Variants in RYR3 observed in about 807,000 individuals in gnomAD.
The protein encoded by RYR3 is brain ryanodine receptor-calcium release channel.
In RYR3, 207 loss-of-function variants were observed where a neutral mutation model predicts 584.3. The ratio of observed to expected loss-of-function variants is 0.35; its 90% CI spans 0.32 to 0.40. The LOEUF is 0.40. Among genes scored for constraint, RYR3 ranks in the 10% least tolerant of loss-of-function variants. RYR3 has a pLI of 1.00. For synonymous variants in RYR3, 2,416 were observed against 2,248.5 expected (o/e 1.07, Z -2.11); for missense variants, 5,616 against 6,089.2 (o/e 0.92, Z 2.59).
chr15:33,444,210 T>A (rs1309586340), intron 1 of RYR3, among the ~76,000 whole-genome samples: 1 of 152,188 alleles, frequency 6.6e-6, no homozygotes, highest in Non-Finnish European at 1.5e-5. Flanking sequence ...AGACCTGTTG[T>A]AGACAGGTGA....
chr15:33,865,221 G>C lies in RYR3; in HGVS notation c.14608G>C (p.Gly4870Arg), dbSNP rs1266422222. 1 of 1,610,494 alleles carries C rather than the reference G, an allele frequency of 6.2e-7. No homozygotes were observed. Among genetic ancestry groups the C allele is most frequent in the African/African-American group, 1.3e-5 (1 of 74,598 alleles). The change falls in exon 104 of 104, where the codon GGA becomes CGA. Residue 4870 changes from glycine to arginine, a missense_variant. This residue lies in a region of RYR3 where 918 missense variants were observed against 887.4 expected (regional missense o/e 1.03). Coordinates refer to ENST00000634891, the MANE Select transcript of RYR3 (RefSeq NM_001036.6). ...CFRKQYEDQLG is the reference protein window; with the variant it reads ...CFRKQYEDQLR ...TCGTAAACAATATGAAGATCAGCTT[G>C]GATAAATCTGAATCAAAGAAGCGCG...
chr15:33,837,098 T>C (rs957010426), intron 88 of RYR3, 111 bp downstream of exon 88: 23 of 902,250 alleles, frequency 2.5e-5, no homozygotes, highest in Non-Finnish European at 3.4e-5. Flanking sequence ...CCATATGACA[T>C]TGGTCAGAAA....
intron 101 of RYR3, among the ~76,000 whole-genome samples, 154 bp downstream of exon 101, chr15:33,860,813 C>G (rs1266748631): frequency 6.6e-6 from 1 of 150,614 alleles, no homozygotes; most frequent in African/African-American, 2.5e-5. Context: ...CCTGCCATAC[C>G]CCTGCCAGGC....
At chr15:33,411,535 G>C (rs567298209) in intron 1 of RYR3, among the ~76,000 whole-genome samples, 1 of 152,332 alleles carries the variant, frequency 6.6e-6, no homozygotes, top group Non-Finnish European at 1.5e-5. Flanking sequence ...TGTGCCACCT[G>C]TTCCTTGGGC....
intron 1 of RYR3, among the ~76,000 whole-genome samples, chr15:33,387,047 C>G (rs895313792): frequency 1.3e-5 from 2 of 151,872 alleles, no homozygotes; most frequent in Non-Finnish European, 2.9e-5. Context: ...TTAGTAGAGA[C>G]GGGGTTTCAC....
chr15:33,625,173 C>T (rs35242916), intron 20 of RYR3, among the ~76,000 whole-genome samples: 16,302 of 151,988 alleles, frequency 0.11, 1,064 homozygotes, highest in Middle Eastern at 0.16. Context: ...AGAGAGAGAG[C>T]GAATGGGAAG....
chr15:33,825,318 A>AG (rs1274044910), intron 81 of RYR3, among the ~76,000 whole-genome samples: 1 of 152,190 alleles, frequency 6.6e-6, no homozygotes, highest in African/African-American at 2.4e-5. Context: ...GAAGACCTTG[A>AG]GTCTTCACCA....
In RYR3 at chr15:33,864,736, C is replaced by G. The variant is rs144221514; in HGVS notation, c.14518-395C>G. On this transcript the variant is annotated intron_variant, in intron 103 of 103. Coordinates refer to ENST00000634891, the MANE Select transcript of RYR3 (RefSeq NM_001036.6). Reference sequence around the variant, plus strand: ...CTTTGTAGGAAAACTTTACAGTTCACTCATTCAATGGGAGAGGTACCTGGT... The same window carrying G: ...CTTTGTAGGAAAACTTTACAGTTCAGTCATTCAATGGGAGAGGTACCTGGT... 5 of 188,592 alleles carry G rather than the reference C, an allele frequency of 2.7e-5. No individual in the cohort carries two copies. In the East Asian group the frequency reaches 6.8e-4, roughly 26 times the overall value. The allele number at this position is 188,592 out of a possible 1,614,324, so 11.7% of individuals were successfully genotyped here.
intron 1 of RYR3, among the ~76,000 whole-genome samples, chr15:33,422,367 A>G (rs2044299261): frequency 6.6e-6 from 1 of 152,118 alleles, no homozygotes; most frequent in African/African-American, 2.4e-5. Context: ...TTATTTAAAA[A>G]CCATTTATGG....
intron 1 of RYR3, among the ~76,000 whole-genome samples, chr15:33,464,463 GATATATATATAT>G (rs569756898): frequency 0.013 from 1,051 of 79,254 alleles, 42 homozygotes; most frequent in African/African-American, 0.047. Context: ...GGGAGGTGGA[GATATATATATAT>G]ATATATATAT....
At chr15:33,585,635 C>T (rs943948797) in intron 15 of RYR3, among the ~76,000 whole-genome samples, 6 of 152,286 alleles carry the variant, frequency 3.9e-5, no homozygotes, top group East Asian at 1.9e-4. Flanking sequence ...GTAAACTGGA[C>T]GTCTTCTCTT....
At chr15:33,762,292 A>G (rs778876484) in intron 60 of RYR3, among the ~76,000 whole-genome samples, 5 of 152,186 alleles carry the variant, frequency 3.3e-5, no homozygotes, top group East Asian at 1.9e-4. Flanking sequence ...AGCGTATTCA[A>G]ATTGGAAGAG....
At chr15:33,608,902 C>T (rs16973242) in intron 18 of RYR3, among the ~76,000 whole-genome samples, 14,844 of 152,208 alleles carry the variant, frequency 0.098, 770 homozygotes, top group South Asian at 0.14. Context: ...GGGAAATTCT[C>T]CCAGCCATAT....
intron 1 of RYR3, among the ~76,000 whole-genome samples, chr15:33,333,954 A>G (rs1306876764): frequency 6.6e-6 from 1 of 152,210 alleles, no homozygotes; most frequent in Non-Finnish European, 1.5e-5. Context: ...AGAATAAAAT[A>G]CCTAGGAATA....
At position 33,865,275 on chromosome 15, in the gene RYR3, A is replaced by G. The variant is rs1555500796; in HGVS notation, c.*49A>G. 2 of 1,329,962 alleles carry G rather than the reference A, an allele frequency of 1.5e-6. No individual in the cohort carries two copies. Among genetic ancestry groups the G allele is most frequent in the South Asian group, 2.4e-5 (2 of 81,826 alleles). 82.4% of individuals were successfully genotyped at this position (1,329,962 alleles called of 1,614,324 possible). A position where few individuals can be genotyped will look rare whatever the true frequency, so the allele number is the denominator to read the frequency against. ...ATTCTGGACAGTCAACTTCCCATGAAATAAAGTCCCCTTTTTACAGTTCTG... is the reference window on the plus strand; with the variant it reads ...ATTCTGGACAGTCAACTTCCCATGAGATAAAGTCCCCTTTTTACAGTTCTG... On this transcript the variant is annotated 3_prime_UTR_variant, in exon 104 of 104. Transcript: ENST00000634891.
chr15:33,769,290 G>A (rs1486714162), intron 62 of RYR3, 118 bp downstream of exon 62: 1 of 814,538 alleles, frequency 1.2e-6, no homozygotes, highest in African/African-American at 1.7e-5. Flanking sequence ...GAAGAGAGGA[G>A]AGACAGGGCA....
Position 33,772,045 on chromosome 15 carries a change from C to A in RYR3, c.8942C>A (p.Thr2981Lys), listed in dbSNP as rs772909971. The A allele has an allele frequency of 6.2e-7, 1 of 1,613,618 alleles. No homozygotes were observed. Among genetic ancestry groups the A allele is most frequent in the Non-Finnish European group, 8.5e-7 (1 of 1,179,680 alleles). ...LKLGKFTHSR[T>K]QIKGVSQNIN... ...CTTGGGAAGTTCACCCATTCCCGAA[C>A]GCAGATTAAAGGCGTTTCTCAGAAT... The change falls in exon 63 of 104, where the codon ACG (threonine) becomes AAG (lysine). Residue 2981 changes from threonine to lysine, a missense_variant. Coordinates refer to ENST00000634891, the MANE Select transcript of RYR3 (RefSeq NM_001036.6).
At chr15:33,806,674 C>T (rs776191449) in intron 69 of RYR3, among the ~76,000 whole-genome samples, 2 of 151,990 alleles carry the variant, frequency 1.3e-5, no homozygotes, top group African/African-American at 4.8e-5. Context: ...AGAAGGGAAA[C>T]GCTCCATCTT....
At position 33,810,520 on chromosome 15, in the gene RYR3, G is replaced by A. The variant is rs2076466918; in HGVS notation, c.10068G>A (p.Arg3356=). ...AGGAGCGGAAGAAGACAAAGCGGCG[G>A]GGAGACTTGTATTCCATCCAGACCT... ...QDQERKKTKR[R]GDLYSIQTSL... is the part of the protein sequence containing the mutation. The change falls in exon 71 of 104, where the codon CGG becomes CGA. Residue 3356 remains arginine (R), a synonymous_variant. Transcript: ENST00000634891. The A allele has an allele frequency of 4.3e-6, 7 of 1,613,974 alleles. No individual in the cohort carries two copies. Among genetic ancestry groups the A allele is most frequent in the Non-Finnish European group, 5.9e-6 (7 of 1,179,876 alleles).
Sources: allele counts gnomAD v4.1 joint callset (sites outside exome capture counted in the v4.1 genomes callset), GRCh38; gene constraint gnomAD v4.1.1; regional missense constraint gnomAD v4.1.1; transcripts MANE v1.5; gene names NCBI Gene and HGNC (gene_info 2026-07-23, HGNC 2026-07-21).